The following INTS10 variants were observed in gnomAD, a reference collection of about 807,000 sequenced individuals.
INTS10 encodes integrator complex subunit 10.
Under a neutral mutation model 94.4 loss-of-function variants are expected in INTS10, and 44 were observed. That is an observed-to-expected ratio of 0.47 (90% CI 0.37 to 0.60). The LOEUF (loss-of-function observed/expected upper bound fraction) is 0.60, where lower values mean the gene tolerates loss of function less well. Ranked by LOEUF, INTS10 falls within the 20% of genes least tolerant of loss-of-function variation. The probability of loss-of-function intolerance (pLI) is 0.00; values close to 1 mark genes in which losing one functional copy is unlikely to be tolerated. For missense variants in INTS10, 797 were observed against 868.7 expected (o/e 0.92, Z 1.04); for synonymous variants, 341 against 320.7 (o/e 1.06, Z -0.68).
In INTS10 at chr8:19,837,036, G is replaced by T. The variant is rs1215353358; in HGVS notation, c.1531-16G>T. 6 of 1,544,194 alleles carry T rather than the reference G, an allele frequency of 3.9e-6. No homozygotes were observed. The highest frequency in any genetic ancestry group is 2.3e-5 in the South Asian group (2 of 88,340). On this transcript the variant is annotated splice_polypyrimidine_tract_variant and intron_variant, in intron 12 of 16. Transcript: ENST00000397977. Reference sequence around the variant, plus strand: ...AAAGCTTCAAGTTAGTTCCTTTTTGGTCTTTTCTGCTTTAGATGACATGTG... The same window carrying T: ...AAAGCTTCAAGTTAGTTCCTTTTTGTTCTTTTCTGCTTTAGATGACATGTG...
chr8:19,832,189 T>A (rs1178680591), intron 11 of INTS10, 79 bp downstream of exon 11: 1 of 807,350 alleles, frequency 1.2e-6, no homozygotes, highest in African/African-American at 1.7e-5. Context: ...CTATGCAGAA[T>A]GTGTCATGTT....
intron 9 of INTS10, among the ~76,000 whole-genome samples, chr8:19,829,703 C>T (rs987050051): frequency 6.6e-6 from 1 of 152,164 alleles, no homozygotes; most frequent in Non-Finnish European, 1.5e-5. Context: ...GAGTCTTGCT[C>T]TGTCGCCCAG....
Position 19,831,514 on chromosome 8 carries a change from G to T in INTS10, c.1295-514G>T, listed in dbSNP as rs1044119309. On this transcript the variant is annotated intron_variant, in intron 10 of 16. Coordinates refer to ENST00000397977, the MANE Select transcript of INTS10 (RefSeq NM_018142.4). ...AACCTGGGCAATATGGCAAAACCCC[G>T]TCTCTATAAAAAAACAAAAACAAAA... Among the ~76,000 whole-genome samples, 3 of 152,040 alleles carry T rather than the reference G, an allele frequency of 2.0e-5. No homozygotes were observed. The East Asian group carries it at 5.8e-4, about 29-fold the overall frequency.
chr8:19,841,965 T>G, intron 13 of INTS10: 2 of 350,414 alleles, frequency 5.7e-6, no homozygotes, highest in East Asian at 1.7e-4. Flanking sequence ...TGTAAGTATG[T>G]GTGTACAGGA....
intron 2 of INTS10, chr8:19,818,785 C>T (rs895390458): frequency 1.8e-5 from 3 of 166,298 alleles, no homozygotes; most frequent in Non-Finnish European, 4.0e-5. Flanking sequence ...CAGCATGTTT[C>T]CTTTACTCAC....
rs1207124316 is a variant in INTS10 at position 19,851,450 on chromosome 8, ATGTC to A, written c.1977-193_1977-190del. 6.6e-6 allele frequency among the ~76,000 whole-genome samples: 1 copy of A among 152,224 alleles called. No homozygotes were observed. The highest frequency in any genetic ancestry group is 1.5e-5 in the Non-Finnish European group (1 of 68,036). ...AGTAACCTTTTATAGAGTGAGAAAG[ATGTC>A]TGTCTAGTTTTAAGTCTTTCTGAAG... On this transcript the variant is annotated intron_variant, in intron 16 of 16. Coordinates refer to ENST00000397977, the MANE Select transcript of INTS10 (RefSeq NM_018142.4). This position sits in a 1 kb window ranked among gnomAD's most constrained non-coding sequence, Gnocchi z 5.0.
intron 7 of INTS10, 68 bp downstream of exon 7, chr8:19,824,112 C>A: frequency 7.4e-7 from 1 of 1,348,642 alleles, no homozygotes; most frequent in Non-Finnish European, 1.0e-6. Context: ...CAAAATCATG[C>A]TTTTTAAATC....
intron 12 of INTS10, among the ~76,000 whole-genome samples, chr8:19,836,348 G>A (rs2067662214): frequency 1.3e-5 from 2 of 152,126 alleles, no homozygotes; most frequent in Non-Finnish European, 2.9e-5. Flanking sequence ...AGATAGAGAG[G>A]GAGCGGTGAT....
chr8:19,830,669 C>CT, intron 10 of INTS10, 110 bp downstream of exon 10: 1 of 1,020,856 alleles, frequency 9.8e-7, no homozygotes, highest in South Asian at 1.6e-5. Context: ...GTAGTTCATG[C>CT]ATTTTTTTTT....
At chr8:19,848,194 C>A (rs1370738135) in intron 16 of INTS10, among the ~76,000 whole-genome samples, 1 of 152,156 alleles carries the variant, frequency 6.6e-6, no homozygotes, top group Non-Finnish European at 1.5e-5. Context: ...AACAAGTTTT[C>A]TGAAGCCATT....
Position 19,824,018 on chromosome 8 carries a change from T to G in INTS10, c.810T>G (p.Cys270Trp). 1 of 1,611,244 alleles carries G rather than the reference T, an allele frequency of 6.2e-7. No homozygotes were observed. Among genetic ancestry groups the G allele is most frequent in the Non-Finnish European group, 8.5e-7 (1 of 1,179,036 alleles). Residue 270 changes from cysteine to tryptophan, a missense_variant, in exon 7 of 17, where the codon TGT (cysteine) becomes TGG (tryptophan). By Grantham distance (215) the Cys-to-Trp change is radical. Coordinates refer to ENST00000397977, the MANE Select transcript of INTS10 (RefSeq NM_018142.4). ...TTTTGAATGTTGTTGGAATGAGATGTGAATGGCAGATGGATAAAGGAAGAC... is the reference window on the plus strand; with the variant it reads ...TTTTGAATGTTGTTGGAATGAGATGGGAATGGCAGATGGATAAAGGAAGAC... ...FKILNVVGMR[C>W]EWQMDKGRRS...
At chr8:19,824,774 A>G (rs1184172432) in intron 7 of INTS10, 29 bp from the exon 8 acceptor site, 4 of 1,556,618 alleles carry the variant, frequency 2.6e-6, no homozygotes, top group Non-Finnish European at 2.6e-6. Context: ...AGAGTAATCA[A>G]ATAAGTTTCA....
intron 6 of INTS10, 142 bp downstream of exon 6, chr8:19,823,583 A>T (rs1279773477): frequency 1.5e-5 from 10 of 671,016 alleles, no homozygotes; most frequent in Non-Finnish European, 2.5e-5. Context: ...TAGAAAAAAA[A>T]TACTAAAAGA....
intron 16 of INTS10, among the ~76,000 whole-genome samples, chr8:19,850,144 AG>A (rs201568958): frequency 0.36 from 48,267 of 135,918 alleles, 9,494 homozygotes; most frequent in African/African-American, 0.38. Context: ...AAAAAAAAAA[AG>A]AAAGAAAGAA....
Position 19,846,003 on chromosome 8 carries a change from G to A in INTS10, c.1976+206G>A. ...TCTTAAAACACTTTGCTTAAATTGG[G>A]GTATTTTTGTCACATTTGCAACTTT... On this transcript the variant is annotated intron_variant, in intron 16 of 16. Coordinates refer to ENST00000397977, the MANE Select transcript of INTS10 (RefSeq NM_018142.4). The surrounding 1 kb of genome is among the most constrained non-coding windows in gnomAD (Gnocchi z 4.2). The A allele has an allele frequency of 6.7e-6, 3 of 447,562 alleles. No homozygotes were observed. Among genetic ancestry groups the A allele is most frequent in the Non-Finnish European group, 1.2e-5 (3 of 249,026 alleles). The allele number at this position is 447,562 out of a possible 1,614,324, so 27.7% of individuals were successfully genotyped here. A position where few individuals can be genotyped will look rare whatever the true frequency, so the allele number is the denominator to read the frequency against.
In INTS10 at chr8:19,842,841, C is replaced by CTGT. The variant is rs751012001; in HGVS notation, c.1640-5_1640-3dup. On this transcript the variant is annotated splice_polypyrimidine_tract_variant and splice_region_variant and intron_variant, in intron 13 of 16. Coordinates refer to ENST00000397977, the MANE Select transcript of INTS10 (RefSeq NM_018142.4). ...TACATTAACCTAACATTGTGGACTT[C>CTGT]TGTTAGGTTCGGATCTGAAGCTCCT... 6.3e-6 allele frequency: 10 copies of CTGT among 1,598,150 alleles called. No individual in the cohort carries two copies. The South Asian group carries it at 9.9e-5, about 16-fold the overall frequency.
At chr8:19,839,525 C>T (rs1214878466) in intron 13 of INTS10, among the ~76,000 whole-genome samples, 1 of 151,816 alleles carries the variant, frequency 6.6e-6, no homozygotes, top group Non-Finnish European at 1.5e-5. Context: ...AAAGTGAGAT[C>T]CCGTCTCTAC....
chr8:19,825,490 A>C (rs943969760), intron 8 of INTS10, among the ~76,000 whole-genome samples: 1 of 150,188 alleles, frequency 6.7e-6, no homozygotes, highest in African/African-American at 2.5e-5. Context: ...CGCACCTTGC[A>C]CTCCAGCCTG....
chr8:19,817,676 C>A lies in INTS10; in HGVS notation c.129+10C>A. ...AGACTTTAACATCCAGGTGAGGTCC[C>A]GGCTGTGCATGCGGCCGCTCTGCGT... On this transcript the variant is annotated intron_variant, in intron 1 of 16. Transcript: ENST00000397977. 1 of 1,601,374 alleles carries A rather than the reference C, an allele frequency of 6.2e-7. No individual in the cohort carries two copies. The highest frequency in any genetic ancestry group is 8.5e-7 in the Non-Finnish European group (1 of 1,174,910).
Sources: gnomAD v4.1 joint callset for allele counts (sites outside exome capture counted in the v4.1 genomes callset) on GRCh38, gnomAD v4.1.1 for gene constraint, Gnocchi (gnomAD v3.1) non-coding constraint, MANE v1.5 for transcripts, NCBI Gene and HGNC (gene_info 2026-07-23, HGNC 2026-07-21) for gene names.